The following RCAN2 variants were observed in gnomAD, a reference collection of about 807,000 sequenced individuals.
RCAN2 encodes regulator of calcineurin 2.
In RCAN2, 9 loss-of-function variants were observed where a neutral mutation model predicts 23.6. The observed-to-expected ratio is 0.38, with a 90% confidence interval of 0.23 to 0.67. The LOEUF (loss-of-function observed/expected upper bound fraction) is 0.67, where lower values mean the gene tolerates loss of function less well. Ranked by LOEUF, RCAN2 falls within the 30% of genes least tolerant of loss-of-function variation. The pLI is 0.51. For missense variants in RCAN2, 273 were observed against 302.3 expected (o/e 0.90, Z 0.72); for synonymous variants, 109 against 115.7 (o/e 0.94, Z 0.37).
chr6:46,238,330 T>C (rs911610308), intron 4 of RCAN2, among the ~76,000 whole-genome samples: 4 of 152,200 alleles, frequency 2.6e-5, no homozygotes, highest in Admixed American at 2.0e-4. Flanking sequence ...TTTGTCACAT[T>C]CAAGAAAGTA....
At position 46,444,416 on chromosome 6, in the gene RCAN2, A is replaced by G. The variant is rs538105115; in HGVS notation, c.225+12336T>C. 5.3e-5 allele frequency among the ~76,000 whole-genome samples: 8 copies of G among 152,262 alleles called. No homozygotes were observed. The South Asian group carries it at 1.0e-3, about 20-fold the overall frequency. ...GCTACACAGACAGTATCTATACACA[A>G]TGCTCATCCTAGCTTGAGTATATTC... On this transcript the variant is annotated intron_variant, in intron 2 of 4. Transcript: ENST00000371374.
chr6:46,282,586 T>G (rs905615869), intron 2 of RCAN2, among the ~76,000 whole-genome samples: 3 of 152,208 alleles, frequency 2.0e-5, no homozygotes, highest in African/African-American at 7.2e-5. Flanking sequence ...TATCTTCATC[T>G]ACTGAATATG....
chr6:46,366,299 T>A (rs1052987731), intron 2 of RCAN2, among the ~76,000 whole-genome samples: 1 of 152,106 alleles, frequency 6.6e-6, no homozygotes, highest in African/African-American at 2.4e-5. Context: ...TTCAAATGTC[T>A]CCCCAGGCAA....
At chr6:46,331,970 A>T (rs944678040) in intron 2 of RCAN2, among the ~76,000 whole-genome samples, 2 of 152,304 alleles carry the variant, frequency 1.3e-5, no homozygotes, top group African/African-American at 4.8e-5. Flanking sequence ...TCACAATATT[A>T]ATGCAACCAG....
At chr6:46,441,224 G>A (rs933617996) in intron 2 of RCAN2, among the ~76,000 whole-genome samples, 6 of 152,088 alleles carry the variant, frequency 3.9e-5, no homozygotes, top group African/African-American at 1.4e-4. Flanking sequence ...CAATAAACAA[G>A]GTGTTGTTAA....
In RCAN2 at chr6:46,249,911, G is replaced by GAA. The variant is rs148593086; in HGVS notation, c.226-1017_226-1016dup. 2.0e-3 allele frequency among the ~76,000 whole-genome samples: 294 copies of GAA among 148,908 alleles called. 3 individuals carry two copies. The highest frequency in any genetic ancestry group is 7.1e-3 in the African/African-American group (288 of 40,628). ...CTATAGCCAACTCTGCCATAGCAAGGAAAAAAAAAATCTCTATTGCATTAA... is the reference window on the plus strand; with the variant it reads ...CTATAGCCAACTCTGCCATAGCAAGGAAAAAAAAAAAATCTCTATTGCATTAA... On this transcript the variant is annotated intron_variant, in intron 2 of 4. Transcript: ENST00000371374.
At chr6:46,229,518 T>C (rs1765802011) in intron 4 of RCAN2, among the ~76,000 whole-genome samples, 1 of 152,236 alleles carries the variant, frequency 6.6e-6, no homozygotes, top group African/African-American at 2.4e-5. Context: ...TTTCATTCAT[T>C]TGATCTTCAA....
chr6:46,459,701 G>A (rs1284031129), intron 1 of RCAN2, among the ~76,000 whole-genome samples: 1 of 152,194 alleles, frequency 6.6e-6, no homozygotes, highest in Admixed American at 6.5e-5. Flanking sequence ...CTGGAACTCA[G>A]TTTATCCTTG....
chr6:46,343,007 T>C lies in RCAN2; in HGVS notation c.226-94111A>G, dbSNP rs2396641. On this transcript the variant is annotated intron_variant, in intron 2 of 4. Coordinates refer to ENST00000371374, the MANE Select transcript of RCAN2 (RefSeq NM_001251974.2). Reference sequence around the variant, plus strand: ...GATGCAGAGACATTTGAAGAAATAATAGCCAAGATTTTCCTCAAATCGATT... The same window carrying C: ...GATGCAGAGACATTTGAAGAAATAACAGCCAAGATTTTCCTCAAATCGATT... Among the ~76,000 whole-genome samples the C allele has an allele frequency of 4.0e-3, 604 of 152,238 alleles. 5 individuals are homozygous for C. Among genetic ancestry groups the C allele is most frequent in the Non-Finnish European group, 6.0e-3 (410 of 68,014 alleles).
At chr6:46,475,402 G>C (rs1362830655) in intron 1 of RCAN2, among the ~76,000 whole-genome samples, 2 of 152,140 alleles carry the variant, frequency 1.3e-5, no homozygotes, top group Non-Finnish European at 2.9e-5. Flanking sequence ...TTGCAAAGCA[G>C]GGAGGAGGGA....
chr6:46,280,516 C>A (rs1397691018), intron 2 of RCAN2, among the ~76,000 whole-genome samples: 2 of 151,942 alleles, frequency 1.3e-5, no homozygotes, highest in Non-Finnish European at 2.9e-5. Context: ...CACAGCAAGG[C>A]AAATTAAACT....
In RCAN2 at chr6:46,221,675, A is replaced by C. The variant is rs181847456; in HGVS notation, c.*1466T>G. ...AAACTAACATACACCTTAGTCAAAA[A>C]CCACAACAATCCCTCAATCTGTTTG... On this transcript the variant is annotated 3_prime_UTR_variant, in exon 5 of 5. Transcript: ENST00000371374. 8.3e-6 allele frequency: 3 copies of C among 362,152 alleles called. No individual in the cohort carries two copies. The Admixed American group carries it at 1.4e-4, about 17-fold the overall frequency. The allele number at this position is 362,152 out of a possible 1,614,324, so 22.4% of individuals were successfully genotyped here.
intron 2 of RCAN2, among the ~76,000 whole-genome samples, chr6:46,448,818 G>T (rs1046614498): frequency 2.0e-5 from 3 of 151,804 alleles, no homozygotes; most frequent in African/African-American, 7.2e-5. Flanking sequence ...AGTTGTCAAA[G>T]GAATGTACTT....
intron 2 of RCAN2, among the ~76,000 whole-genome samples, chr6:46,253,319 T>G (rs896563754): frequency 6.6e-6 from 1 of 152,226 alleles, no homozygotes; most frequent in Non-Finnish European, 1.5e-5. Context: ...TTCAGTTATT[T>G]TTCTTATAGT....
chr6:46,331,356 G>C (rs530426407), intron 2 of RCAN2, among the ~76,000 whole-genome samples: 1 of 152,008 alleles, frequency 6.6e-6, no homozygotes, highest in East Asian at 1.9e-4. Context: ...AAAGATCACT[G>C]AGGGTTTTTT....
In RCAN2 at chr6:46,221,064, A is replaced by G. The variant is rs1321146543; in HGVS notation, c.*2077T>C. 6.6e-6 allele frequency: 1 copy of G among 152,508 alleles called. No individual in the cohort carries two copies. The highest frequency in any genetic ancestry group is 1.5e-5 in the Non-Finnish European group (1 of 68,034). The allele number at this position is 152,508 out of a possible 1,614,324, so 9.4% of individuals were successfully genotyped here. On this transcript the variant is annotated 3_prime_UTR_variant, in exon 5 of 5. Transcript: ENST00000371374. Reference sequence around the variant, plus strand: ...CAGGTTAACATTGACACAGAGCAATAAGTTTTACTAAGACTAACTCCAGAG... The same window carrying G: ...CAGGTTAACATTGACACAGAGCAATGAGTTTTACTAAGACTAACTCCAGAG...
At chr6:46,229,715 C>T (rs530293128) in intron 4 of RCAN2, among the ~76,000 whole-genome samples, 1 of 152,304 alleles carries the variant, frequency 6.6e-6, no homozygotes, top group Admixed American at 6.5e-5. Flanking sequence ...TGGGTTCGAA[C>T]TTCCTCCTTT....
chr6:46,344,291 A>G (rs2150374582), intron 2 of RCAN2, among the ~76,000 whole-genome samples: 1 of 152,312 alleles, frequency 6.6e-6, no homozygotes, highest in East Asian at 1.9e-4. Context: ...GGCTCAGAGT[A>G]TTTACCTACT....
At chr6:46,405,967 C>T (rs981999301) in intron 2 of RCAN2, among the ~76,000 whole-genome samples, 3 of 152,238 alleles carry the variant, frequency 2.0e-5, no homozygotes, top group Non-Finnish European at 4.4e-5. Flanking sequence ...TGGGTTGGCA[C>T]TGCTGGGGGA....
Sources: allele counts gnomAD v4.1 joint callset (sites outside exome capture counted in the v4.1 genomes callset), GRCh38; gene constraint gnomAD v4.1.1; transcripts MANE v1.5; gene names NCBI Gene and HGNC (gene_info 2026-07-23, HGNC 2026-07-21).